The following ZPBP variants were observed in gnomAD, a reference collection of about 807,000 sequenced individuals.
The protein encoded by ZPBP is zona pellucida binding protein.
In ZPBP, 26 loss-of-function variants were observed where a neutral mutation model predicts 44.8. That is an observed-to-expected ratio of 0.58 (90% CI 0.43 to 0.81). The LOEUF (loss-of-function observed/expected upper bound fraction) is 0.81. Ranked by LOEUF, ZPBP falls within the 30% of genes least tolerant of loss-of-function variation. The pLI is 0.00. For missense variants in ZPBP, 409 were observed against 434.0 expected (o/e 0.94, Z 0.51); for synonymous variants, 174 against 153.2 (o/e 1.14, Z -1.00).
intron 2 of ZPBP, among the ~76,000 whole-genome samples, chr7:50,088,223 A>G (rs1222271243): frequency 6.6e-6 from 1 of 152,064 alleles, no homozygotes; most frequent in Non-Finnish European, 1.5e-5. Context: ...CTCGATAGCC[A>G]TGTGCTAAAG....
chr7:49,902,888 C>T (rs139557202), intron 1 of ZPBP, among the ~76,000 whole-genome samples: 104 of 152,086 alleles, frequency 6.8e-4, no homozygotes, highest in African/African-American at 2.4e-3. Flanking sequence ...AGGAACAGTA[C>T]GTGGAACATA....
intron 7 of ZPBP, among the ~76,000 whole-genome samples, chr7:49,952,871 G>T (rs1390001177): frequency 6.6e-6 from 1 of 151,878 alleles, no homozygotes; most frequent in East Asian, 1.9e-4. Flanking sequence ...ACTAAAGGAA[G>T]TTCCTTAGCC....
In ZPBP at chr7:49,877,902, A is replaced by G. The variant is rs534740901; in HGVS notation, n.509+23216T>C. On this transcript the variant is annotated intron_variant and non_coding_transcript_variant, in intron 2 of 2. Transcript: ENST00000465922. ...ATCTTCCTGACCTTGCATCTGGGCA[A>G]AATGTTTTGGGTCTAGTTGAAAAAC... is the stretch of plus-strand genomic sequence containing the variant. 7.9e-5 allele frequency among the ~76,000 whole-genome samples: 12 copies of G among 152,198 alleles called. No homozygotes were observed. The South Asian group carries it at 8.3e-4, about 11-fold the overall frequency.
chr7:49,988,621 T>C (rs1258422924), intron 6 of ZPBP, among the ~76,000 whole-genome samples: 2 of 152,224 alleles, frequency 1.3e-5, no homozygotes, highest in South Asian at 2.1e-4. Flanking sequence ...GTAACTACCA[T>C]GGACATTCTA....
chr7:50,057,849 T>A, intron 4 of ZPBP, 140 bp downstream of exon 4: 1 of 756,234 alleles, frequency 1.3e-6, no homozygotes, highest in Non-Finnish European at 2.1e-6. Flanking sequence ...TACAAAGTAC[T>A]TACATAGGGA....
chr7:50,084,094 CT>C (rs1315159499), intron 2 of ZPBP, among the ~76,000 whole-genome samples: 1 of 151,800 alleles, frequency 6.6e-6, no homozygotes, highest in Non-Finnish European at 1.5e-5. Flanking sequence ...AAAAGAACTC[CT>C]TTGAAAACAA....
At chr7:49,961,594 T>C (rs778756781) in intron 7 of ZPBP, among the ~76,000 whole-genome samples, 1 of 152,142 alleles carries the variant, frequency 6.6e-6, no homozygotes, top group African/African-American at 2.4e-5. Context: ...GTTAATTGTA[T>C]GTCATTGCTG....
At chr7:49,888,895 G>C (rs1478930918) in intron 2 of ZPBP, among the ~76,000 whole-genome samples, 2 of 151,970 alleles carry the variant, frequency 1.3e-5, no homozygotes, top group Non-Finnish European at 2.9e-5. Context: ...TGGGGGACAA[G>C]AGCGAGACTT....
At chr7:49,907,607 T>G (rs1793175882) in intron 1 of ZPBP, among the ~76,000 whole-genome samples, 2 of 152,294 alleles carry the variant, frequency 1.3e-5, no homozygotes, top group South Asian at 4.1e-4. Flanking sequence ...AGTCTGAGAA[T>G]GTGTGCCCAA....
Position 50,058,115 on chromosome 7 carries a change from A to T in ZPBP, c.361T>A (p.Ser121Thr). 1 of 1,613,868 alleles carries T rather than the reference A, an allele frequency of 6.2e-7. No homozygotes were observed. Among genetic ancestry groups the T allele is most frequent in the Non-Finnish European group, 8.5e-7 (1 of 1,179,864 alleles). Reference protein sequence around the residue: ...SVENRTAQITSTGSLVFQNFE... With the variant: ...SVENRTAQITTTGSLVFQNFE... ...TTTTGGAATACAAGGCTTCCTGTGG[A>T]TGTTATTTGTGCAGTGCGGTTTTCT... The change falls in exon 4 of 8, where the codon TCC (serine) becomes ACC (threonine). Residue 121 changes from serine (S) to threonine (T), a missense_variant. Around this residue, in one of 2 missense-constraint regions of ZPBP, gnomAD observed 367 missense variants for 363.1 expected, o/e 1.01. Coordinates refer to ENST00000046087, the MANE Select transcript of ZPBP (RefSeq NM_007009.3).
At chr7:49,843,046 C>G in the ZPBP span, among the ~76,000 whole-genome samples, 1 of 152,126 alleles carries the variant, frequency 6.6e-6, no homozygotes, top group Non-Finnish European at 1.5e-5. Context: ...TTTTCCCCTT[C>G]CCTTTCCCCG....
At chr7:50,063,820 G>A (rs982895671) in intron 3 of ZPBP, among the ~76,000 whole-genome samples, 3 of 152,056 alleles carry the variant, frequency 2.0e-5, no homozygotes, top group Non-Finnish European at 2.9e-5. Context: ...TTTTTTATTT[G>A]TGTTGCTTGT....
intron 7 of ZPBP, 74 bp downstream of exon 7, chr7:49,983,268 G>C: frequency 3.3e-6 from 4 of 1,213,692 alleles, no homozygotes; most frequent in Non-Finnish European, 4.8e-6. Flanking sequence ...TAAGTGATAT[G>C]CATTCACTTA....
intron 2 of ZPBP, among the ~76,000 whole-genome samples, chr7:49,896,963 T>G (rs2128732902): frequency 6.9e-6 from 1 of 144,982 alleles, no homozygotes; most frequent in Non-Finnish European, 1.5e-5. Context: ...TGGCGCAATC[T>G]CGGCTCACTG....
At chr7:50,011,555 C>A (rs548593300) in intron 6 of ZPBP, among the ~76,000 whole-genome samples, 5 of 152,140 alleles carry the variant, frequency 3.3e-5, no homozygotes, top group Non-Finnish European at 5.9e-5. Flanking sequence ...ACATTACACC[C>A]AACATCTACA....
chr7:49,975,088 C>G (rs1267699201), intron 7 of ZPBP, among the ~76,000 whole-genome samples: 1 of 152,068 alleles, frequency 6.6e-6, no homozygotes, highest in African/African-American at 2.4e-5. Flanking sequence ...TTTCAGTCTG[C>G]GAAACTCAGA....
chr7:50,018,186 T>C, intron 6 of ZPBP, 54 bp downstream of exon 6: 4 of 1,296,614 alleles, frequency 3.1e-6, no homozygotes, highest in Non-Finnish European at 4.5e-6. Context: ...TACTTACACA[T>C]GGGGCATGTT....
At chr7:49,994,386 G>A (rs973763829) in intron 6 of ZPBP, among the ~76,000 whole-genome samples, 22 of 152,188 alleles carry the variant, frequency 1.4e-4, no homozygotes, top group Non-Finnish European at 2.9e-5. Context: ...AGTGCAGCAG[G>A]AATGGGGAAC....
rs148183473 is a variant in ZPBP, at chr7:49,872,256, G to T, written n.510-21742C>A. ...GAGGTGGAGAGACAGAGGGGCTACT[G>T]TTGAAGAGACAGTGACTGAGGATTT... On this transcript the variant is annotated intron_variant and non_coding_transcript_variant, in intron 2 of 2. Coordinates refer to the ZPBP transcript ENST00000465922. Among the ~76,000 whole-genome samples the T allele has an allele frequency of 3.2e-3, 483 of 152,192 alleles. 6 individuals carry two copies. Among genetic ancestry groups the T allele is most frequent in the African/African-American group, 0.011 (450 of 41,534 alleles).
Sources: gnomAD v4.1 joint callset for allele counts (sites outside exome capture counted in the v4.1 genomes callset) on GRCh38, gnomAD v4.1.1 for gene constraint, gnomAD v4.1.1 regional missense constraint, MANE v1.5 for transcripts, NCBI Gene and HGNC (gene_info 2026-07-23, HGNC 2026-07-21) for gene names.